Variants in BTRC observed in about 807,000 individuals in gnomAD.
BTRC encodes the protein beta-transducin repeat containing E3 ubiquitin protein ligase.
Under a neutral mutation model 85.5 loss-of-function variants are expected in BTRC, and 42 were observed. The observed-to-expected ratio is 0.49, with a 90% CI of 0.38 to 0.64. BTRC has a LOEUF of 0.64. Ranked by LOEUF, BTRC falls within the 30% of genes least tolerant of loss-of-function variation. BTRC has a pLI of 0.00. For missense variants in BTRC, 594 were observed against 743.5 expected (o/e 0.80, Z 2.34); for synonymous variants, 255 against 263.3 (o/e 0.97, Z 0.30).
At chr10:101,374,993 G>A (rs1942751641) in intron 1 of BTRC, among the ~76,000 whole-genome samples, 1 of 152,162 alleles carries the variant, frequency 6.6e-6, no homozygotes, top group East Asian at 1.9e-4. Context: ...GCCAGGTGCT[G>A]CAGGGTGGCT....
At chr10:101,400,924 A>G (rs1362648659) in intron 1 of BTRC, among the ~76,000 whole-genome samples, 3 of 152,118 alleles carry the variant, frequency 2.0e-5, no homozygotes, top group African/African-American at 7.2e-5. Context: ...TCTTTCAGAA[A>G]TATCAAAAGC....
chr10:101,415,460 T>G (rs1354802428), intron 1 of BTRC, among the ~76,000 whole-genome samples: 5 of 4,182 alleles, frequency 1.2e-3, no homozygotes, highest in African/African-American at 1.3e-3. Context: ...CAGCCACCAC[T>G]TTTATTTTAT....
chr10:101,464,540 C>CA, intron 3 of BTRC, among the ~76,000 whole-genome samples: 1 of 129,802 alleles, frequency 7.7e-6, no homozygotes, highest in Non-Finnish European at 1.6e-5. Context: ...CCTTCCCCCC[C>CA]ACCCCCCCCA....
Position 101,522,352 on chromosome 10 carries a change from TAA to T in BTRC, c.556+495_556+496del, listed in dbSNP as rs34282047. ...ACCACGCCCAGCTGGTATAAAGCTT[TAA>T]AAAAAAAAAAAACAAAAAAAAACAA... On this transcript the variant is annotated intron_variant, in intron 5 of 14. Transcript: ENST00000370187. 6.4e-4 allele frequency among the ~76,000 whole-genome samples: 27 copies of T among 42,096 alleles called. 1 individual carries two copies. The highest frequency in any genetic ancestry group is 3.7e-3 in the East Asian group (7 of 1,908). 27.6% of individuals were successfully genotyped at this position (42,096 alleles called of 152,430 possible).
chr10:101,447,816 A>G (rs1217421294), intron 2 of BTRC, among the ~76,000 whole-genome samples: 2 of 152,316 alleles, frequency 1.3e-5, no homozygotes, highest in African/African-American at 4.8e-5. Flanking sequence ...TATTAAATTA[A>G]AAGGCCACTT....
chr10:101,526,569 C>T (rs142081760), intron 6 of BTRC, among the ~76,000 whole-genome samples: 1,562 of 152,310 alleles, frequency 0.01, 20 homozygotes, highest in Admixed American at 0.049. Flanking sequence ...CACTCGAGGC[C>T]AGGAGTTTGA....
intron 1 of BTRC, among the ~76,000 whole-genome samples, chr10:101,421,849 A>T (rs1317439326): frequency 1.3e-5 from 2 of 151,670 alleles, no homozygotes; most frequent in East Asian, 3.9e-4. Context: ...TATGTGCCAC[A>T]TTTTCTTAAT....
intron 1 of BTRC, among the ~76,000 whole-genome samples, chr10:101,384,025 T>C (rs986544869): frequency 4.6e-5 from 7 of 152,204 alleles, no homozygotes; most frequent in African/African-American, 1.7e-4. Flanking sequence ...GTCTAGGTTA[T>C]TGTAAAACAT....
chr10:101,363,551 C>T lies in BTRC; in HGVS notation c.48+9323C>T, dbSNP rs557541653. On this transcript the variant is annotated intron_variant, in intron 1 of 14. Coordinates refer to ENST00000370187, the MANE Select transcript of BTRC (RefSeq NM_033637.4). Reference sequence around the variant, plus strand: ...TCAGCTCACTGCCACCTCCACCTCCCGGGTTCAAGTGATTCTCCTGCCTCA... The same window carrying T: ...TCAGCTCACTGCCACCTCCACCTCCTGGGTTCAAGTGATTCTCCTGCCTCA... 8.5e-5 allele frequency among the ~76,000 whole-genome samples: 13 copies of T among 152,160 alleles called. No individual in the cohort carries two copies. The East Asian group carries it at 2.5e-3, about 29-fold the overall frequency.
chr10:101,491,778 T>C (rs1946140581), intron 4 of BTRC, among the ~76,000 whole-genome samples: 1 of 152,168 alleles, frequency 6.6e-6, no homozygotes, highest in Admixed American at 6.5e-5. Flanking sequence ...TTCATGCTTC[T>C]AGATGGTTCG....
chr10:101,436,257 A>G (rs1042860732), intron 2 of BTRC, among the ~76,000 whole-genome samples: 1 of 152,182 alleles, frequency 6.6e-6, no homozygotes, highest in Non-Finnish European at 1.5e-5. Flanking sequence ...AATGAGCAAT[A>G]GAGTTAAAGT....
intron 4 of BTRC, among the ~76,000 whole-genome samples, chr10:101,487,867 T>G (rs1205932301): frequency 1.3e-5 from 2 of 152,180 alleles, no homozygotes; most frequent in Non-Finnish European, 2.9e-5. Flanking sequence ...AATCTGTGTT[T>G]TATGTTACTT....
intron 4 of BTRC, among the ~76,000 whole-genome samples, chr10:101,482,081 G>A (rs1945848937): frequency 6.6e-6 from 1 of 151,978 alleles, no homozygotes; most frequent in Non-Finnish European, 1.5e-5. Flanking sequence ...GTGCGGTGGT[G>A]CCATCTTGGC....
At chr10:101,425,749 G>A (rs1944235618) in intron 1 of BTRC, among the ~76,000 whole-genome samples, 1 of 151,828 alleles carries the variant, frequency 6.6e-6, no homozygotes, top group South Asian at 2.1e-4. Context: ...GGTCAAGGGT[G>A]CAGTGAGCTG....
At chr10:101,358,631 C>T (rs1468100022) in intron 1 of BTRC, among the ~76,000 whole-genome samples, 1 of 152,106 alleles carries the variant, frequency 6.6e-6, no homozygotes, top group Non-Finnish European at 1.5e-5. Context: ...GGTTTTTCTG[C>T]TTCACTTGGT....
chr10:101,474,298 G>T lies in BTRC; in HGVS notation c.235-5070G>T, dbSNP rs191407903. ...GGAGGCTTGGTTTTGTATTTGTTAA[G>T]GTCAGGTGTATTTTGGTTTTGCCCT... is the stretch of plus-strand genomic sequence containing the variant. On this transcript the variant is annotated intron_variant, in intron 3 of 14. Transcript: ENST00000370187. 1.4e-4 allele frequency among the ~76,000 whole-genome samples: 21 copies of T among 152,228 alleles called. No individual in the cohort carries two copies. The East Asian group carries it at 4.1e-3, about 29-fold the overall frequency.
At chr10:101,474,825 TCCCCATTTTCC>T (rs1945634050) in intron 3 of BTRC, among the ~76,000 whole-genome samples, 1 of 152,194 alleles carries the variant, frequency 6.6e-6, no homozygotes, top group African/African-American at 2.4e-5. Flanking sequence ...GGCCACTCCT[TCCCCATTTTCC>T]GTCTTTTTTA....
intron 4 of BTRC, among the ~76,000 whole-genome samples, chr10:101,496,577 A>G (rs1042511211): frequency 6.6e-6 from 1 of 152,096 alleles, no homozygotes; most frequent in South Asian, 2.1e-4. Context: ...TAAAATTGCA[A>G]TTTAAAAAAT....
intron 1 of BTRC, among the ~76,000 whole-genome samples, chr10:101,426,773 G>A (rs927624094): frequency 6.6e-6 from 1 of 152,178 alleles, no homozygotes; most frequent in Non-Finnish European, 1.5e-5. Context: ...AGAGCCCCAA[G>A]TCTGTGAATG....
Sources: allele counts gnomAD v4.1 joint callset (sites outside exome capture counted in the v4.1 genomes callset), GRCh38; gene constraint gnomAD v4.1.1; transcripts MANE v1.5; gene names NCBI Gene and HGNC (gene_info 2026-07-23, HGNC 2026-07-21).